ATP11B: variants seen among roughly 807,000 people sequenced by gnomAD.
ATP11B encodes ATPase phospholipid transporting 11B (putative).
In ATP11B, 81 loss-of-function variants were observed where a neutral mutation model predicts 157.8. That is an observed-to-expected ratio of 0.51 (90% confidence interval 0.43 to 0.62). ATP11B has a LOEUF of 0.62. Ranked by LOEUF, ATP11B falls within the 20% of genes least tolerant of loss-of-function variation. The pLI, the probability that ATP11B is intolerant of heterozygous loss-of-function variation, is 0.00. For synonymous variants in ATP11B, 451 were observed against 469.4 expected, an observed-to-expected ratio of 0.96 and a Z score of 0.51; for missense variants, 1,165 against 1,402.2, an observed-to-expected ratio of 0.83 and a Z score of 2.70.
chr3:182,861,566 G>A (rs1720842348), intron 12 of ATP11B, among the ~76,000 whole-genome samples: 4 of 152,152 alleles, frequency 2.6e-5, no homozygotes, highest in Admixed American at 1.3e-4. Context: ...AGGGAAGGTT[G>A]TAATACCAGA....
At chr3:182,872,031 G>C (rs1465740472) in intron 17 of ATP11B, among the ~76,000 whole-genome samples, 3 of 152,014 alleles carry the variant, frequency 2.0e-5, no homozygotes, top group Non-Finnish European at 4.4e-5. Flanking sequence ...TAGCCAGGAT[G>C]GTCTCGATCT....
At chr3:182,835,115 C>G (rs537983996) in intron 4 of ATP11B, among the ~76,000 whole-genome samples, 44 of 152,080 alleles carry the variant, frequency 2.9e-4, no homozygotes, top group Middle Eastern at 6.8e-3. Context: ...GTCTTGCTGT[C>G]TCAGGGGTGG....
intron 1 of ATP11B, 74 bp from the exon 2 acceptor site, chr3:182,820,186 T>C: frequency 1.0e-6 from 1 of 973,280 alleles, no homozygotes; most frequent in Admixed American, 1.8e-5. Context: ...ACCAGCTAAA[T>C]AAAGCTAACA....
Position 182,793,505 on chromosome 3 carries a change from A to G in ATP11B, c.-255A>G. 1 of 340,270 alleles carries G rather than the reference A, an allele frequency of 2.9e-6. No individual in the cohort carries two copies. Among genetic ancestry groups the G allele is most frequent in the Admixed American group, 4.9e-5 (1 of 20,600 alleles). 21.1% of individuals were successfully genotyped at this position (340,270 alleles called of 1,614,324 possible). On this transcript the variant is annotated 5_prime_UTR_variant, in exon 1 of 30. Transcript: ENST00000323116. Reference sequence around the variant, plus strand: ...GGGGTGCTTTGGGTGACAACGGTCAATAATGAAGGTGGCTGCGGCGCGGCG... The same window carrying G: ...GGGGTGCTTTGGGTGACAACGGTCAGTAATGAAGGTGGCTGCGGCGCGGCG...
rs202104594 is a variant in ATP11B at position 182,857,575 on chromosome 3, AACTT to A, written c.852-301_852-298del. Among the ~76,000 whole-genome samples the A allele has an allele frequency of 1.1e-3, 165 of 147,242 alleles. 1 individual carries two copies. The highest frequency in any genetic ancestry group is 3.6e-3 in the African/African-American group (139 of 38,904). On this transcript the variant is annotated intron_variant, in intron 10 of 29. Coordinates refer to ENST00000323116, the MANE Select transcript of ATP11B (RefSeq NM_014616.3). ...GGTGCTGAAAATGTAAAAAAAAAAA[AACTT>A]AGAATAATTACTTATGGCAAAAATA...
At chr3:182,905,940 C>T in intron 28 of ATP11B, 1 of 451,788 alleles carries the variant, frequency 2.2e-6, no homozygotes, top group Non-Finnish European at 4.5e-6. Context: ...GCTGGACCTT[C>T]CCGGGCACTC....
chr3:182,906,406 T>G (rs1239776048), intron 28 of ATP11B, among the ~76,000 whole-genome samples: 1 of 152,160 alleles, frequency 6.6e-6, no homozygotes, highest in Non-Finnish European at 1.5e-5. Flanking sequence ...TGAGAAATTT[T>G]CTGCTGACTG....
At chr3:182,843,298 G>A (rs1222267017) in intron 8 of ATP11B, among the ~76,000 whole-genome samples, 1 of 152,178 alleles carries the variant, frequency 6.6e-6, no homozygotes, top group East Asian at 1.9e-4. Context: ...GAATAATTTA[G>A]TAAGATTATT....
chr3:182,841,870 T>C (rs1719053163), intron 7 of ATP11B, among the ~76,000 whole-genome samples: 2 of 150,282 alleles, frequency 1.3e-5, no homozygotes, highest in Non-Finnish European at 3.0e-5. Context: ...TCCCAGCTAC[T>C]CGGGAGACTG....
intron 1 of ATP11B, among the ~76,000 whole-genome samples, chr3:182,813,772 G>T (rs1209283864): frequency 2.6e-5 from 4 of 152,002 alleles, no homozygotes; most frequent in Non-Finnish European, 5.9e-5. Context: ...CTGTTGCCCA[G>T]GCTGGAGTGC....
chr3:182,852,324 C>G (rs1720041749), intron 10 of ATP11B, among the ~76,000 whole-genome samples: 1 of 151,968 alleles, frequency 6.6e-6, no homozygotes, highest in Non-Finnish European at 1.5e-5. Context: ...CTGAGATTGA[C>G]AGATTAAGCA....
intron 1 of ATP11B, among the ~76,000 whole-genome samples, chr3:182,795,513 C>T (rs1380445347): frequency 1.3e-5 from 2 of 152,012 alleles, no homozygotes; most frequent in Non-Finnish European, 1.5e-5. Context: ...AAGGAAGGGC[C>T]GGAAGTTGTG....
chr3:182,861,970 G>T (rs1210031790), intron 12 of ATP11B, among the ~76,000 whole-genome samples: 1 of 151,706 alleles, frequency 6.6e-6, no homozygotes, highest in Admixed American at 6.6e-5. Context: ...GAAAGGCTGG[G>T]CTCAGTGGCT....
chr3:182,878,729 A>G (rs1722219795), intron 19 of ATP11B, among the ~76,000 whole-genome samples: 1 of 152,176 alleles, frequency 6.6e-6, no homozygotes, highest in African/African-American at 2.4e-5. Flanking sequence ...TCGGTTTCCT[A>G]TTGCAAGACA....
intron 1 of ATP11B, among the ~76,000 whole-genome samples, chr3:182,817,692 A>G (rs554120503): frequency 3.9e-5 from 6 of 152,316 alleles, no homozygotes; most frequent in Admixed American, 2.6e-4. Context: ...ATGGGAAATG[A>G]TGAGCATTTG....
intron 28 of ATP11B, among the ~76,000 whole-genome samples, chr3:182,901,481 T>A (rs1723965920): frequency 6.6e-6 from 1 of 152,204 alleles, no homozygotes; most frequent in African/African-American, 2.4e-5. Flanking sequence ...TGATTTAGCA[T>A]CCTTAATACA....
rs111302119 is a variant in ATP11B at position 182,921,399 on chromosome 3, CATGAT to C, written c.*3299_*3303del. 9.9e-5 allele frequency: 15 copies of C among 152,200 alleles called. No homozygotes were observed. The highest frequency in any genetic ancestry group is 2.9e-4 in the African/African-American group (12 of 41,530). The allele number at this position is 152,200 out of a possible 1,614,324, so 9.4% of individuals were successfully genotyped here. A position where few individuals can be genotyped will look rare whatever the true frequency, so the allele number is the denominator to read the frequency against. On this transcript the variant is annotated 3_prime_UTR_variant, in exon 30 of 30. Transcript: ENST00000323116. ...TTCCTATAAAAAATAGATCATAACT[CATGAT>C]ATGTTTGTAATCATGGTAATTTAGA...
intron 1 of ATP11B, among the ~76,000 whole-genome samples, chr3:182,805,511 A>G (rs533482288): frequency 1.3e-5 from 2 of 151,818 alleles, no homozygotes; most frequent in South Asian, 2.1e-4. Flanking sequence ...CTGGAATGCA[A>G]TGGCACGATC....
intron 1 of ATP11B, among the ~76,000 whole-genome samples, chr3:182,796,832 T>G (rs1380161164): frequency 6.6e-6 from 1 of 152,188 alleles, no homozygotes; most frequent in East Asian, 1.9e-4. Context: ...AATTTAAGAT[T>G]GACTAGCCCA....
Sources: gnomAD v4.1 joint callset for allele counts (sites outside exome capture counted in the v4.1 genomes callset) on GRCh38, gnomAD v4.1.1 for gene constraint, MANE v1.5 for transcripts, NCBI Gene and HGNC (gene_info 2026-07-23, HGNC 2026-07-21) for gene names.